Variants in WNT2 observed in about 807,000 individuals in gnomAD.
The protein encoded by WNT2 is protein Wnt-2.
In WNT2, 12 loss-of-function variants were observed where a neutral mutation model predicts 36.9. That is an observed-to-expected ratio of 0.33 (90% CI 0.21 to 0.53). WNT2 has a LOEUF of 0.53. Ranked by LOEUF, WNT2 falls within the 20% of genes least tolerant of loss-of-function variation. The probability of loss-of-function intolerance (pLI) is 0.95; values close to 1 mark genes in which losing one functional copy is unlikely to be tolerated. For missense variants in WNT2, 379 were observed against 473.1 expected, an observed-to-expected ratio of 0.80 and a Z score of 1.84; for synonymous variants, 163 against 174.6, an observed-to-expected ratio of 0.93 and a Z score of 0.52.
Position 117,275,791 on chromosome 7 carries a change from A to C in WNT2, c.*2364T>G, listed in dbSNP as rs1794348746. ...GCCGATAGCAATATTTCATTCTCTT[A>C]TTTTTCCCACCTCAGTGGCAGGACC... On this transcript the variant is annotated 3_prime_UTR_variant, in exon 5 of 5. Transcript: ENST00000265441. 1.3e-5 allele frequency among the ~76,000 whole-genome samples: 2 copies of C among 151,940 alleles called. No homozygotes were observed. The highest frequency in any genetic ancestry group is 4.8e-5 in the African/African-American group (2 of 41,352).
At chr7:117,286,424 C>T (rs981658786) in intron 4 of WNT2, among the ~76,000 whole-genome samples, 8 of 151,892 alleles carry the variant, frequency 5.3e-5, no homozygotes, top group East Asian at 1.9e-4. Flanking sequence ...TCTCTCTCCC[C>T]GCCCTTCTCT....
At chr7:117,297,970 C>T in intron 3 of WNT2, 94 bp from the exon 4 acceptor site, 1 of 1,466,306 alleles carries the variant, frequency 6.8e-7, no homozygotes, top group Non-Finnish European at 9.1e-7. Flanking sequence ...AAGTGATTCT[C>T]AGGATGCTGG....
chr7:117,290,523 T>C (rs1312912362), intron 4 of WNT2, among the ~76,000 whole-genome samples: 2 of 152,248 alleles, frequency 1.3e-5, no homozygotes, highest in Non-Finnish European at 2.9e-5. Flanking sequence ...TCTACAATTC[T>C]CTTCTGGTCT....
At chr7:117,298,784 A>G (rs1794845001) in intron 3 of WNT2, among the ~76,000 whole-genome samples, 2 of 152,146 alleles carry the variant, frequency 1.3e-5, no homozygotes, top group African/African-American at 4.8e-5. Context: ...TTGCTCACTC[A>G]AGTGAAGAGA....
intron 3 of WNT2, among the ~76,000 whole-genome samples, chr7:117,304,432 ATTTTTTTTTTT>A: frequency 1.7e-5 from 2 of 116,918 alleles, no homozygotes; most frequent in South Asian, 5.5e-4. Context: ...TCTCCTCCAC[ATTTTTTTTTTT>A]TTTTTTTTTT....
chr7:117,321,334 T>C (rs1795322893), intron 1 of WNT2, among the ~76,000 whole-genome samples: 1 of 152,238 alleles, frequency 6.6e-6, no homozygotes, highest in South Asian at 2.1e-4. Flanking sequence ...GGCTGTTCTT[T>C]CCTTACTGAA....
At chr7:117,291,170 A>G (rs189426409) in intron 4 of WNT2, among the ~76,000 whole-genome samples, 4 of 152,314 alleles carry the variant, frequency 2.6e-5, no homozygotes, top group African/African-American at 9.6e-5. Context: ...TGTGGGGGAA[A>G]AATGTGATAC....
At chr7:117,320,399 C>A in intron 2 of WNT2, 168 bp downstream of exon 2, 1 of 666,752 alleles carries the variant, frequency 1.5e-6, no homozygotes, top group Non-Finnish European at 2.6e-6. Context: ...TAGACATGTT[C>A]CTTGATTTCT....
intron 2 of WNT2, among the ~76,000 whole-genome samples, chr7:117,318,642 A>AT (rs1795264579): frequency 6.6e-6 from 1 of 152,078 alleles, no homozygotes; most frequent in African/African-American, 2.4e-5. Flanking sequence ...GGTTCAAGTG[A>AT]TTTTCATTCC....
Sources: gnomAD v4.1 joint callset for allele counts (sites outside exome capture counted in the v4.1 genomes callset) on GRCh38, gnomAD v4.1.1 for gene constraint, MANE v1.5 for transcripts, NCBI Gene and HGNC (gene_info 2026-07-23, HGNC 2026-07-21) for gene names.